Variants in GPC6 observed in about 807,000 individuals in gnomAD.
The protein encoded by GPC6 is glypican 6, also known as glypican-6.
In GPC6, 14 loss-of-function variants were observed where a neutral mutation model predicts 55.2. The ratio of observed to expected loss-of-function variants is 0.25; its 90% CI spans 0.17 to 0.40. GPC6 has a LOEUF of 0.40. GPC6 is among the 10% of genes least tolerant of loss of function. GPC6 has a pLI of 1.00. For synonymous variants in GPC6, 278 were observed against 259.6 expected, an observed-to-expected ratio of 1.07 and a Z score of -0.68; for missense variants, 641 against 708.5, an observed-to-expected ratio of 0.90 and a Z score of 1.08.
intron 1 of GPC6, among the ~76,000 whole-genome samples, chr13:93,530,781 C>G (rs1322337162): frequency 6.6e-6 from 1 of 152,140 alleles, no homozygotes; most frequent in African/African-American, 2.4e-5. Context: ...TGATATCTGT[C>G]ATACCTGCCT....
At chr13:93,567,636 T>C (rs1372274452) in intron 2 of GPC6, among the ~76,000 whole-genome samples, 1 of 152,092 alleles carries the variant, frequency 6.6e-6, no homozygotes, top group Non-Finnish European at 1.5e-5. Context: ...TGAAACACTG[T>C]TTAGGAGATA....
At chr13:93,685,414 A>G (rs1215447584) in intron 2 of GPC6, among the ~76,000 whole-genome samples, 1 of 152,150 alleles carries the variant, frequency 6.6e-6, no homozygotes, top group Non-Finnish European at 1.5e-5. Flanking sequence ...AGACATTTCA[A>G]TTTTGCTCAT....
chr13:94,283,589 G>A (rs145416044), intron 4 of GPC6, among the ~76,000 whole-genome samples: 310 of 152,364 alleles, frequency 2.0e-3, no homozygotes, highest in African/African-American at 7.0e-3. Flanking sequence ...CACAGAGTCA[G>A]TGTCTCTCTG....
intron 1 of GPC6, among the ~76,000 whole-genome samples, chr13:93,521,077 A>G (rs546048536): frequency 6.6e-6 from 1 of 152,010 alleles, no homozygotes; most frequent in Non-Finnish European, 1.5e-5. Context: ...TTTAAGAAGT[A>G]ATTTCATTAG....
chr13:94,049,126 A>C (rs1456150082), intron 4 of GPC6, among the ~76,000 whole-genome samples: 1 of 151,864 alleles, frequency 6.6e-6, no homozygotes, highest in Non-Finnish European at 1.5e-5. Context: ...GACAGCCTGC[A>C]TCTGTAATCT....
intron 3 of GPC6, among the ~76,000 whole-genome samples, chr13:93,937,049 G>A (rs779970944): frequency 2.6e-5 from 4 of 152,206 alleles, no homozygotes; most frequent in African/African-American, 4.8e-5. Context: ...AGCAGAAGGA[G>A]AAGCAGAGAG....
chr13:93,562,053 A>G (rs1267552123), intron 2 of GPC6, among the ~76,000 whole-genome samples: 2 of 152,182 alleles, frequency 1.3e-5, no homozygotes, highest in African/African-American at 4.8e-5. Context: ...TCAAAATTTA[A>G]TAGTCTGAGA....
chr13:93,396,787 CAT>C (rs1343926327), intron 1 of GPC6, among the ~76,000 whole-genome samples: 1 of 152,090 alleles, frequency 6.6e-6, no homozygotes, highest in East Asian at 1.9e-4. Context: ...GATTTTATAA[CAT>C]AGAGCACTTA....
At chr13:93,292,977 G>A (rs1344051038) in intron 1 of GPC6, among the ~76,000 whole-genome samples, 1 of 152,070 alleles carries the variant, frequency 6.6e-6, no homozygotes, top group Non-Finnish European at 1.5e-5. Context: ...ATTCCAGGTA[G>A]AAGTTCCTTT....
At chr13:93,338,439 T>G (rs1486460272) in intron 1 of GPC6, among the ~76,000 whole-genome samples, 1 of 152,194 alleles carries the variant, frequency 6.6e-6, no homozygotes, top group Non-Finnish European at 1.5e-5. Context: ...CTGAGTCTCC[T>G]TACAGGTATC....
intron 4 of GPC6, among the ~76,000 whole-genome samples, chr13:94,127,951 G>C (rs554924657): frequency 5.3e-5 from 8 of 152,138 alleles, no homozygotes; most frequent in Non-Finnish European, 1.5e-5. Flanking sequence ...ATAAGGAAAG[G>C]CTTAAGCAAA....
intron 2 of GPC6, among the ~76,000 whole-genome samples, chr13:93,644,310 G>A (rs1172570186): frequency 6.6e-6 from 1 of 152,032 alleles, no homozygotes; most frequent in African/African-American, 2.4e-5. Context: ...GTATATTCTT[G>A]CAGTTTACCT....
rs1308161802 is a variant in GPC6 at position 93,519,807 on chromosome 13, ATATTCTTTGACTCTG to A, written c.161-25446_161-25432del. Among the ~76,000 whole-genome samples the A allele has an allele frequency of 2.0e-5, 3 of 151,978 alleles. No individual in the cohort carries two copies. In the South Asian group the frequency reaches 6.2e-4, roughly 31 times the overall value. Reference sequence around the variant, plus strand: ...AAAAGTTATATTTCTAAGTTACTCTATATTCTTTGACTCTGTATTCTTTGTGAAACAGAAAATGTG... The same window carrying A: ...AAAAGTTATATTTCTAAGTTACTCTATATTCTTTGTGAAACAGAAAATGTG... On this transcript the variant is annotated intron_variant, in intron 1 of 8. Transcript: ENST00000377047.
chr13:94,285,065 A>G, intron 4 of GPC6, among the ~76,000 whole-genome samples: 1 of 152,218 alleles, frequency 6.6e-6, no homozygotes, highest in East Asian at 1.9e-4. Flanking sequence ...CAGATAAGAA[A>G]CAACATAAAG....
intron 2 of GPC6, among the ~76,000 whole-genome samples, chr13:93,748,034 C>T (rs9516282): frequency 0.4 from 61,084 of 151,944 alleles, 13,045 homozygotes; most frequent in East Asian, 0.75. Flanking sequence ...AGTATTTGCT[C>T]GATGAAAATA....
At chr13:94,267,633 G>A (rs1891859004) in intron 4 of GPC6, among the ~76,000 whole-genome samples, 1 of 152,008 alleles carries the variant, frequency 6.6e-6, no homozygotes, top group South Asian at 2.1e-4. Flanking sequence ...ATTACCACTC[G>A]ACACAGAATT....
intron 4 of GPC6, among the ~76,000 whole-genome samples, chr13:94,047,526 G>A (rs1268525551): frequency 6.6e-6 from 1 of 151,886 alleles, no homozygotes; most frequent in African/African-American, 2.4e-5. Context: ...AAAAGATCAA[G>A]GATCTTAATG....
chr13:93,572,365 A>G (rs561296579), intron 2 of GPC6, among the ~76,000 whole-genome samples: 1 of 152,284 alleles, frequency 6.6e-6, no homozygotes, highest in African/African-American at 2.4e-5. Flanking sequence ...ATAAAATGAA[A>G]CAAATGAGAA....
chr13:93,311,175 G>A (rs1431067669), intron 1 of GPC6, among the ~76,000 whole-genome samples: 1 of 152,142 alleles, frequency 6.6e-6, no homozygotes. Flanking sequence ...CTATGCTTAT[G>A]GAGGAAATTT....
Sources: allele counts gnomAD v4.1 joint callset (sites outside exome capture counted in the v4.1 genomes callset), GRCh38; gene constraint gnomAD v4.1.1; transcripts MANE v1.5; gene names NCBI Gene and HGNC (gene_info 2026-07-23, HGNC 2026-07-21).